The following SLC1A1 variants were observed in gnomAD, a reference collection of about 807,000 sequenced individuals.
The protein encoded by SLC1A1 is solute carrier family 1 member 1, also known as excitatory amino acid transporter 3.
SLC1A1 carries 43 observed loss-of-function variants against 53.3 expected under a neutral mutation model. That is an observed-to-expected ratio of 0.81 (90% confidence interval 0.63 to 1.04). SLC1A1 has a LOEUF of 1.04. SLC1A1 is among the 50% of genes least tolerant of loss of function. The pLI is 0.00. For missense variants in SLC1A1, 748 were observed against 664.9 expected, an observed-to-expected ratio of 1.12 and a Z score of -1.37; for synonymous variants, 307 against 243.2, an observed-to-expected ratio of 1.26 and a Z score of -2.44.
At chr9:4,539,506 A>AT (rs61341920) in intron 1 of SLC1A1, among the ~76,000 whole-genome samples, 3,354 of 152,278 alleles carry the variant, frequency 0.022, 127 homozygotes, top group African/African-American at 0.078. Flanking sequence ...GAACTTAAAG[A>AT]TGATCCCTAG....
chr9:4,519,600 C>T (rs757133091), intron 1 of SLC1A1, among the ~76,000 whole-genome samples: 8 of 152,204 alleles, frequency 5.3e-5, no homozygotes, highest in Non-Finnish European at 1.0e-4. Flanking sequence ...AGCCTTCCTG[C>T]AGGCCAAGGG....
rs775390587 is a variant in SLC1A1, at chr9:4,567,682, G to T, written c.497G>T (p.Arg166Leu). Residue 166 changes from arginine to leucine, a missense_variant, in exon 6 of 12, where the codon CGT becomes CTT. Coordinates refer to ENST00000262352, the MANE Select transcript of SLC1A1 (RefSeq NM_004170.6). The part of the protein sequence containing the change: ...QACFQQYKTK[R>L]EEVKPPSDPE... ...TCCAACATGCAGTACAAAACTAAGC[G>T]TGAAGAAGTGAAGCCTCCCAGCGAT... is the stretch of plus-strand genomic sequence containing the variant. The T allele has an allele frequency of 1.2e-6, 2 of 1,611,276 alleles. No homozygotes were observed. Among genetic ancestry groups the T allele is most frequent in the Non-Finnish European group, 1.7e-6 (2 of 1,177,668 alleles).
intron 1 of SLC1A1, among the ~76,000 whole-genome samples, chr9:4,526,692 A>G (rs1289212249): frequency 6.6e-6 from 1 of 152,220 alleles, no homozygotes. Context: ...CAGATTCTGT[A>G]TACTGAATAG....
chr9:4,576,603 G>T lies in SLC1A1; in HGVS notation c.1033G>T (p.Glu345Ter), dbSNP rs1820568636. Residue 345 changes from glutamate to a stop codon, truncating the protein, a stop_gained, in exon 10 of 12, where the codon GAA becomes TAA. Coordinates refer to ENST00000262352, the MANE Select transcript of SLC1A1 (RefSeq NM_004170.6). LOFTEE classifies it high-confidence loss of function. ...ATLPVTFRCA[E>*]ENNQVDKRIT... ...ACTGCCTGTCACCTTCCGCTGTGCT[G>T]AAGAAAATAACCAGGTGGACAAGAG... The T allele has an allele frequency of 6.2e-7, 1 of 1,614,056 alleles. No individual in the cohort carries two copies. Among genetic ancestry groups the T allele is most frequent in the African/African-American group, 1.3e-5 (1 of 74,912 alleles).
At chr9:4,518,078 T>TA (rs997510403) in intron 1 of SLC1A1, among the ~76,000 whole-genome samples, 1 of 150,694 alleles carries the variant, frequency 6.6e-6, no homozygotes, top group Non-Finnish European at 1.5e-5. Flanking sequence ...AAATAAATAA[T>TA]AAAAAAACTT....
intron 1 of SLC1A1, among the ~76,000 whole-genome samples, chr9:4,521,464 G>T (rs1816068229): frequency 6.6e-6 from 1 of 152,182 alleles, no homozygotes; most frequent in Non-Finnish European, 1.5e-5. Context: ...AGTAGAAAGT[G>T]CCATGGTGGC....
At chr9:4,557,514 G>C (rs1373278190) in intron 2 of SLC1A1, among the ~76,000 whole-genome samples, 4 of 152,048 alleles carry the variant, frequency 2.6e-5, no homozygotes, top group African/African-American at 9.7e-5. Context: ...GGCCAGGTGT[G>C]GTGGCTCACA....
At chr9:4,541,596 C>T (rs1173832165) in intron 1 of SLC1A1, among the ~76,000 whole-genome samples, 2 of 152,162 alleles carry the variant, frequency 1.3e-5, no homozygotes, top group Non-Finnish European at 2.9e-5. Context: ...TAATTTATAA[C>T]ACTTTACCAA....
chr9:4,533,301 G>A (rs991702438), intron 1 of SLC1A1, among the ~76,000 whole-genome samples: 1 of 152,186 alleles, frequency 6.6e-6, no homozygotes, highest in Non-Finnish European at 1.5e-5. Flanking sequence ...CCATCAGTGT[G>A]CTGTATTCAG....
intron 1 of SLC1A1, among the ~76,000 whole-genome samples, chr9:4,539,215 T>C (rs1384718598): frequency 6.6e-6 from 1 of 152,210 alleles, no homozygotes; most frequent in Non-Finnish European, 1.5e-5. Context: ...CCCAGGTTAA[T>C]TTTATAACTG....
At chr9:4,567,453 T>C (rs1452627912) in intron 5 of SLC1A1, among the ~76,000 whole-genome samples, 2 of 152,212 alleles carry the variant, frequency 1.3e-5, no homozygotes, top group Non-Finnish European at 2.9e-5. Context: ...AATTGAATGG[T>C]GATCGTGGGA....
At chr9:4,560,970 T>C (rs888197452) in intron 2 of SLC1A1, among the ~76,000 whole-genome samples, 1 of 151,900 alleles carries the variant, frequency 6.6e-6, no homozygotes, top group African/African-American at 2.4e-5. Context: ...CACTCCAGCC[T>C]GGGTGACAGA....
At chr9:4,499,812 C>T (rs762804675) in intron 1 of SLC1A1, among the ~76,000 whole-genome samples, 29 of 152,266 alleles carry the variant, frequency 1.9e-4, no homozygotes, top group Non-Finnish European at 3.2e-4. Context: ...TGAAGTTGCT[C>T]ACCTGTTAAA....
At chr9:4,560,369 C>G (rs1818819293) in intron 2 of SLC1A1, among the ~76,000 whole-genome samples, 2 of 152,090 alleles carry the variant, frequency 1.3e-5, no homozygotes, top group Non-Finnish European at 2.9e-5. Flanking sequence ...AAATTATCCT[C>G]AGGGTGAGTT....
intron 1 of SLC1A1, among the ~76,000 whole-genome samples, chr9:4,522,991 G>A (rs1424010388): frequency 6.6e-6 from 1 of 152,160 alleles, no homozygotes; most frequent in Non-Finnish European, 1.5e-5. Context: ...TGATCAACTA[G>A]CATTTCCCTG....
chr9:4,512,777 T>A (rs1275674149), intron 1 of SLC1A1, among the ~76,000 whole-genome samples: 1 of 152,066 alleles, frequency 6.6e-6, no homozygotes, highest in African/African-American at 2.4e-5. Context: ...TATTTTTTTT[T>A]AAATTGAGAC....
At chr9:4,570,771 T>G (rs1031651820) in intron 6 of SLC1A1, among the ~76,000 whole-genome samples, 1 of 152,094 alleles carries the variant, frequency 6.6e-6, no homozygotes, top group Admixed American at 6.6e-5. Context: ...AAGCCAGGCA[T>G]GGTGGCATGC....
chr9:4,562,165 G>A (rs752307086), intron 3 of SLC1A1, among the ~76,000 whole-genome samples: 1 of 150,256 alleles, frequency 6.7e-6, no homozygotes, highest in Non-Finnish European at 1.5e-5. Flanking sequence ...TCTGCCTCCT[G>A]GGTTCAAATG....
intron 2 of SLC1A1, among the ~76,000 whole-genome samples, chr9:4,557,236 G>C (rs925019164): frequency 2.0e-5 from 3 of 152,238 alleles, no homozygotes; most frequent in Non-Finnish European, 4.4e-5. Context: ...TGAAGAATAA[G>C]CTTCAGGCCT....
Sources: allele counts gnomAD v4.1 joint callset (sites outside exome capture counted in the v4.1 genomes callset), GRCh38; gene constraint gnomAD v4.1.1; transcripts MANE v1.5; gene names NCBI Gene and HGNC (gene_info 2026-07-23, HGNC 2026-07-21).